The following PDXP variants were observed in gnomAD, a reference collection of about 807,000 sequenced individuals.
PDXP encodes the protein pyridoxal phosphatase.
PDXP carries 15 observed loss-of-function variants against 14.4 expected under a neutral mutation model. The observed-to-expected ratio is 1.04, with a 90% CI of 0.70 to 1.60. The LOEUF (loss-of-function observed/expected upper bound fraction) is 1.60, where lower values mean the gene tolerates loss of function less well. Ranked by LOEUF, PDXP falls within the 40% of genes most tolerant of loss-of-function variation. The pLI is 0.00. For missense variants in PDXP, 413 were observed against 427.6 expected, an observed-to-expected ratio of 0.97 and a Z score of 0.30; for synonymous variants, 233 against 205.6, an observed-to-expected ratio of 1.13 and a Z score of -1.14.
chr22:37,665,525 CCTG>C (rs756287232), intron 1 of PDXP, 27 bp from the exon 2 acceptor site: 3 of 1,560,790 alleles, frequency 1.9e-6, no homozygotes, highest in Non-Finnish European at 2.6e-6. Flanking sequence ...CTGCCGCCCT[CCTG>C]CTGACTGCGT....
rs368330268 is a variant in PDXP at position 37,659,367 on chromosome 22, G to C, written c.574+11G>C. Reference sequence around the variant, plus strand: ...GCAGCCGGACCCCTGGTGAGCGCGGGAATGGCGGGGAAACTGAGATGGGGG... The same window carrying C: ...GCAGCCGGACCCCTGGTGAGCGCGGCAATGGCGGGGAAACTGAGATGGGGG... On this transcript the variant is annotated intron_variant, in intron 1 of 1. Transcript: ENST00000215904. 7.7e-7 allele frequency: 1 copy of C among 1,295,752 alleles called. No homozygotes were observed. The highest frequency in any genetic ancestry group is 9.8e-7 in the Non-Finnish European group (1 of 1,020,452). 80.3% of individuals were successfully genotyped at this position (1,295,752 alleles called of 1,614,324 possible).
At position 37,658,772 on chromosome 22, in the gene PDXP, C is replaced by A. The variant is rs926105609; in HGVS notation, c.-11C>A. ...GAGCGCGGCGCGGGAGGCCGGCGGC[C>A]GGCCGGCTGCATGGCGCGCTGCGAG... On this transcript the variant is annotated 5_prime_UTR_variant, in exon 1 of 2. Transcript: ENST00000215904. 1.7e-6 allele frequency: 2 copies of A among 1,162,680 alleles called. No homozygotes were observed. Among genetic ancestry groups the A allele is most frequent in the Admixed American group, 4.7e-5 (1 of 21,370 alleles). 72.0% of individuals were successfully genotyped at this position (1,162,680 alleles called of 1,614,324 possible). A position where few individuals can be genotyped will look rare whatever the true frequency, so the allele number is the denominator to read the frequency against.
chr22:37,660,440 G>A (rs914387472), intron 1 of PDXP, among the ~76,000 whole-genome samples: 14 of 152,162 alleles, frequency 9.2e-5, no homozygotes, highest in African/African-American at 2.7e-4. Context: ...GATAGAGCGC[G>A]GGAACCTGAA....
At position 37,662,698 on chromosome 22, in the gene PDXP, A is replaced by G. The variant is rs116073120; in HGVS notation, c.575-2857A>G. Among the ~76,000 whole-genome samples the G allele has an allele frequency of 1.3e-3, 194 of 152,350 alleles. 1 individual carries two copies. The highest frequency in any genetic ancestry group is 4.5e-3 in the African/African-American group (186 of 41,592). On this transcript the variant is annotated intron_variant, in intron 1 of 1. Coordinates refer to ENST00000215904, the MANE Select transcript of PDXP (RefSeq NM_020315.5). ...ACTTACTACCTTTGTTTTAAACATTATCATTTAGGTCGGGCACAGTGGCGC... is the reference window on the plus strand; with the variant it reads ...ACTTACTACCTTTGTTTTAAACATTGTCATTTAGGTCGGGCACAGTGGCGC...
At chr22:37,665,448 A>G (rs1921038571) in intron 1 of PDXP, 107 bp from the exon 2 acceptor site, 1 of 894,218 alleles carries the variant, frequency 1.1e-6, no homozygotes, top group South Asian at 1.7e-5. Context: ...GGCTCCTGTC[A>G]GCAGCCGATT....
chr22:37,663,918 A>ACT (rs1255791257), intron 1 of PDXP, among the ~76,000 whole-genome samples: 17 of 119,548 alleles, frequency 1.4e-4, no homozygotes, highest in African/African-American at 6.4e-4. Flanking sequence ...GAATACGTTG[A>ACT]CTTTTTTTTT....
At chr22:37,663,825 A>C (rs1236148291) in intron 1 of PDXP, among the ~76,000 whole-genome samples, 1 of 151,070 alleles carries the variant, frequency 6.6e-6, no homozygotes, top group African/African-American at 2.4e-5. Flanking sequence ...AGAGGCCAAT[A>C]ATTTTTTTAT....
intron 1 of PDXP, among the ~76,000 whole-genome samples, chr22:37,659,591 A>G (rs1167016847): frequency 6.6e-6 from 1 of 152,062 alleles, no homozygotes; most frequent in Non-Finnish European, 1.5e-5. Context: ...GGCCCTTTGT[A>G]ACTTAGGGAG....
At chr22:37,664,545 C>A (rs879849108) in intron 1 of PDXP, among the ~76,000 whole-genome samples, 3 of 152,238 alleles carry the variant, frequency 2.0e-5, no homozygotes, top group Non-Finnish European at 1.5e-5. Flanking sequence ...CAACCCTGGG[C>A]AAATTACTTA....
At position 37,659,233 on chromosome 22, in the gene PDXP, G is replaced by C; in HGVS notation, c.451G>C (p.Asp151His). 1 of 1,320,404 alleles carries C rather than the reference G, an allele frequency of 7.6e-7. No homozygotes were observed. The highest frequency in any genetic ancestry group is 9.7e-7 in the Non-Finnish European group (1 of 1,030,244). 81.8% of individuals were successfully genotyped at this position (1,320,404 alleles called of 1,614,324 possible). A position where few individuals can be genotyped will look rare whatever the true frequency, so the allele number is the denominator to read the frequency against. The part of the protein sequence containing the change: ...PRVRAVLVGY[D>H]EHFSFAKLRE... ...CGTGCGCGCCGTGCTTGTGGGCTAC[G>C]ACGAGCACTTCTCCTTCGCCAAGCT... Residue 151 changes from aspartate to histidine, a missense_variant, in exon 1 of 2, where the codon GAC becomes CAC. Physicochemically the swap from Asp to His is moderately conservative, Grantham distance 81. Transcript: ENST00000215904.
intron 1 of PDXP, among the ~76,000 whole-genome samples, chr22:37,663,319 A>AAAT (rs1555890240): frequency 5.3e-5 from 8 of 151,318 alleles, no homozygotes; most frequent in African/African-American, 2.0e-4. Context: ...AAAAAAAAAA[A>AAAT]ATCATATAGT....
intron 1 of PDXP, chr22:37,665,094 C>A (rs1378123989): frequency 5.2e-6 from 1 of 192,202 alleles, no homozygotes; most frequent in African/African-American, 2.3e-5. Context: ...TGCCCAGCGC[C>A]CGTTTGGAGG....
rs1921075184 is a variant in PDXP, at chr22:37,666,128, C to T, written c.*257C>T. On this transcript the variant is annotated 3_prime_UTR_variant, in exon 2 of 2. Coordinates refer to ENST00000215904, the MANE Select transcript of PDXP (RefSeq NM_020315.5). Reference sequence around the variant, plus strand: ...ACCCAGCCAGGTGGCCTTATTTCTTCCCTGTCACCTCCCCTCCTTGAAATC... The same window carrying T: ...ACCCAGCCAGGTGGCCTTATTTCTTTCCTGTCACCTCCCCTCCTTGAAATC... 7.2e-6 allele frequency: 4 copies of T among 558,326 alleles called. No homozygotes were observed. The East Asian group carries it at 1.2e-4, about 17-fold the overall frequency. The allele number at this position is 558,326 out of a possible 1,614,324, so 34.6% of individuals were successfully genotyped here.
Position 37,666,551 on chromosome 22 carries a change from G to C in PDXP, c.*680G>C, listed in dbSNP as rs565945362. Reference sequence around the variant, plus strand: ...AGTAGAACAGTCCAGAAGCCTGAGAGACAGTGGCCCCTTGATAATCTGGGT... The same window carrying C: ...AGTAGAACAGTCCAGAAGCCTGAGACACAGTGGCCCCTTGATAATCTGGGT... On this transcript the variant is annotated 3_prime_UTR_variant, in exon 2 of 2. Coordinates refer to ENST00000215904, the MANE Select transcript of PDXP (RefSeq NM_020315.5). The C allele has an allele frequency of 4.2e-5, 7 of 167,566 alleles. No individual in the cohort carries two copies. The highest frequency in any genetic ancestry group is 1.7e-4 in the African/African-American group (7 of 41,574). The allele number at this position is 167,566 out of a possible 1,614,324, so 10.4% of individuals were successfully genotyped here.
At chr22:37,664,660 T>C (rs563814335) in intron 1 of PDXP, among the ~76,000 whole-genome samples, 6 of 152,362 alleles carry the variant, frequency 3.9e-5, no homozygotes, top group African/African-American at 1.4e-4. Context: ...ATTATCATCA[T>C]TTGTTCAGGG....
chr22:37,658,765 C>CGGCG lies in PDXP; in HGVS notation c.-16_-13dup. On this transcript the variant is annotated 5_prime_UTR_variant, in exon 1 of 2. Transcript: ENST00000215904. ...GCGGAGAGAGCGCGGCGCGGGAGGC[C>CGGCG]GGCGGCCGGCCGGCTGCATGGCGCG... 8.7e-7 allele frequency: 1 copy of CGGCG among 1,155,502 alleles called. No homozygotes were observed. Among genetic ancestry groups the CGGCG allele is most frequent in the South Asian group, 4.2e-5 (1 of 23,562 alleles). The allele number at this position is 1,155,502 out of a possible 1,614,324, so 71.6% of individuals were successfully genotyped here.
At chr22:37,663,518 ACTTCT>A (rs1920984365) in intron 1 of PDXP, among the ~76,000 whole-genome samples, 1 of 151,760 alleles carries the variant, frequency 6.6e-6, no homozygotes, top group Admixed American at 6.6e-5. Context: ...TCCTGTGTCC[ACTTCT>A]CTTCACTCAA....
intron 1 of PDXP, among the ~76,000 whole-genome samples, chr22:37,661,551 G>A (rs1163916130): frequency 6.6e-6 from 1 of 152,170 alleles, no homozygotes; most frequent in East Asian, 1.9e-4. Flanking sequence ...TACGTCATCA[G>A]CATAACATGC....
At chr22:37,663,634 C>A (rs929560742) in intron 1 of PDXP, among the ~76,000 whole-genome samples, 1 of 152,078 alleles carries the variant, frequency 6.6e-6, no homozygotes, top group Admixed American at 6.5e-5. Flanking sequence ...AGTCTACTCA[C>A]TGGGCTATTA....
Sources: allele counts gnomAD v4.1 joint callset (sites outside exome capture counted in the v4.1 genomes callset), GRCh38; gene constraint gnomAD v4.1.1; transcripts MANE v1.5; gene names NCBI Gene and HGNC (gene_info 2026-07-23, HGNC 2026-07-21).